The following SPIDR variants were observed in gnomAD, a reference collection of about 807,000 sequenced individuals.
SPIDR encodes the protein DNA repair-scaffolding protein.
Under a neutral mutation model 104.6 loss-of-function variants are expected in SPIDR, and 93 were observed. The ratio of observed to expected loss-of-function variants is 0.89; its 90% CI spans 0.75 to 1.06. The LOEUF (loss-of-function observed/expected upper bound fraction) is 1.06. SPIDR is among the 50% of genes least tolerant of loss of function. The pLI, the probability that SPIDR is intolerant of heterozygous loss-of-function variation, is 0.00. For synonymous variants in SPIDR, 431 were observed against 416.9 expected (o/e 1.03, Z -0.41); for missense variants, 1,154 against 1,111.2 (o/e 1.04, Z -0.55).
At position 47,284,811 on chromosome 8, in the gene SPIDR, A is replaced by G. The variant is rs2038501714; in HGVS notation, c.256+717A>G. ...CCTGTTACAAACGGTCACCTCCACTAAAGATACTTTAGTGAAATTAAGGAT... is the reference window on the plus strand; with the variant it reads ...CCTGTTACAAACGGTCACCTCCACTGAAGATACTTTAGTGAAATTAAGGAT... On this transcript the variant is annotated intron_variant, in intron 3 of 19. Coordinates refer to ENST00000297423, the MANE Select transcript of SPIDR (RefSeq NM_001080394.4). 1.3e-5 allele frequency among the ~76,000 whole-genome samples: 2 copies of G among 152,204 alleles called. 1 individual carries two copies. Among genetic ancestry groups the G allele is most frequent in the South Asian group, 4.1e-4 (2 of 4,836 alleles).
intron 8 of SPIDR, among the ~76,000 whole-genome samples, chr8:47,471,151 C>T (rs1028413504): frequency 3.3e-5 from 5 of 151,508 alleles, no homozygotes; most frequent in Non-Finnish European, 7.4e-5. Flanking sequence ...GCACAGGCAA[C>T]AAAGGAAAAA....
chr8:47,664,894 C>CA lies in SPIDR; in HGVS notation c.1545-8894dup, dbSNP rs72582293. 2.9e-3 allele frequency among the ~76,000 whole-genome samples: 321 copies of CA among 112,258 alleles called. 1 individual carries two copies. Among genetic ancestry groups the CA allele is most frequent in the Middle Eastern group, 0.015 (3 of 194 alleles). The allele number at this position is 112,258 out of a possible 152,430, so 73.6% of individuals were successfully genotyped here. ...CTGGGTGCAGAGTGAGACCCTGTCTCAAAAAAAAAAAAAGAAATTAAGATT... is the reference window on the plus strand; with the variant it reads ...CTGGGTGCAGAGTGAGACCCTGTCTCAAAAAAAAAAAAAAGAAATTAAGATT... On this transcript the variant is annotated intron_variant, in intron 10 of 19. Transcript: ENST00000297423.
intron 8 of SPIDR, among the ~76,000 whole-genome samples, chr8:47,587,348 A>G (rs1380436255): frequency 2.6e-5 from 4 of 152,084 alleles, no homozygotes; most frequent in Non-Finnish European, 4.4e-5. Flanking sequence ...GGCTGCGCAC[A>G]GGGGCCTATT....
At chr8:47,429,528 T>A (rs761477282) in intron 7 of SPIDR, among the ~76,000 whole-genome samples, 1 of 152,174 alleles carries the variant, frequency 6.6e-6, no homozygotes, top group Non-Finnish European at 1.5e-5. Context: ...CCCCAAAATA[T>A]AAGCAAATAA....
At chr8:47,397,026 A>G (rs1209908834) in intron 6 of SPIDR, among the ~76,000 whole-genome samples, 1 of 152,124 alleles carries the variant, frequency 6.6e-6, no homozygotes, top group Non-Finnish European at 1.5e-5. Flanking sequence ...GAACCCACAG[A>G]TGAGACGTAT....
chr8:47,729,493 G>T (rs771674077), intron 19 of SPIDR, 28 bp downstream of exon 19: 76 of 1,580,544 alleles, frequency 4.8e-5, no homozygotes, highest in Non-Finnish European at 6.3e-5. Context: ...AGCCCAGGGG[G>T]CCGCACACTC....
intron 10 of SPIDR, among the ~76,000 whole-genome samples, chr8:47,669,032 AGCCCTCTGAAT>A (rs1196584769): frequency 6.6e-6 from 1 of 152,190 alleles, no homozygotes; most frequent in African/African-American, 2.4e-5. Context: ...TGCTCACAAC[AGCCCTCTGAAT>A]TAGATTCTCT....
chr8:47,466,912 T>TATATATATAG (rs1462336747), intron 8 of SPIDR, among the ~76,000 whole-genome samples: 10 of 113,356 alleles, frequency 8.8e-5, no homozygotes, highest in African/African-American at 3.5e-4. Context: ...TATATATATA[T>TATATATATAG]ATAGATAGAT....
At chr8:47,288,614 G>A (rs1267988181) in intron 3 of SPIDR, among the ~76,000 whole-genome samples, 2 of 152,178 alleles carry the variant, frequency 1.3e-5, no homozygotes, top group Non-Finnish European at 2.9e-5. Context: ...TTTTTCAGAT[G>A]CATAATAATG....
In SPIDR at chr8:47,713,477, C is replaced by G. The variant is rs774436463; in HGVS notation, c.2189-12C>G. The G allele has an allele frequency of 2.9e-5, 47 of 1,613,990 alleles. No homozygotes were observed. The highest frequency in any genetic ancestry group is 3.7e-5 in the Non-Finnish European group (44 of 1,180,000). The stretch of plus-strand genomic sequence containing the variant: ...TCAAGGCTTCAATAACCTGAAGTGT[C>G]TCTGTCGGCAGGTCGGATTGTTTGT... On this transcript the variant is annotated splice_polypyrimidine_tract_variant and intron_variant, in intron 15 of 19. Transcript: ENST00000297423.
chr8:47,472,872 G>T (rs1216902088), intron 8 of SPIDR, among the ~76,000 whole-genome samples: 6 of 152,142 alleles, frequency 3.9e-5, no homozygotes, highest in African/African-American at 1.4e-4. Flanking sequence ...CCTCTCAATG[G>T]GTCCATTTTT....
At chr8:47,554,793 T>C (rs1288306008) in intron 8 of SPIDR, among the ~76,000 whole-genome samples, 1 of 152,176 alleles carries the variant, frequency 6.6e-6, no homozygotes, top group East Asian at 1.9e-4. Context: ...TGTAACTCAG[T>C]TGGAAATGCA....
intron 5 of SPIDR, among the ~76,000 whole-genome samples, chr8:47,362,458 C>T (rs1231333202): frequency 1.3e-5 from 2 of 152,154 alleles, no homozygotes; most frequent in African/African-American, 2.4e-5. Flanking sequence ...AGCATTTCCT[C>T]CCCTTGCTCT....
intron 18 of SPIDR, 45 bp downstream of exon 18, chr8:47,729,092 A>G (rs760639788): frequency 1.3e-5 from 21 of 1,605,128 alleles, no homozygotes; most frequent in East Asian, 6.8e-5. Context: ...GCTCACTCCA[A>G]CATAGCGAAG....
chr8:47,518,516 C>G (rs183249873), intron 8 of SPIDR, among the ~76,000 whole-genome samples: 1 of 152,034 alleles, frequency 6.6e-6, no homozygotes, highest in Admixed American at 6.6e-5. Flanking sequence ...TGTGTCTAGA[C>G]GCTGTGCTGA....
chr8:47,641,975 A>G (rs1285235358), intron 10 of SPIDR, among the ~76,000 whole-genome samples: 3 of 152,216 alleles, frequency 2.0e-5, no homozygotes, highest in African/African-American at 7.2e-5. Context: ...AGAGCTGTGC[A>G]GAGCCTCGGG....
intron 8 of SPIDR, among the ~76,000 whole-genome samples, chr8:47,512,440 TA>T (rs2082478545): frequency 6.6e-6 from 1 of 152,218 alleles, no homozygotes; most frequent in Non-Finnish European, 1.5e-5. Flanking sequence ...AAATATGGCT[TA>T]TAAAGCCAGC....
At chr8:47,443,507 G>T (rs1201309902) in intron 8 of SPIDR, among the ~76,000 whole-genome samples, 1 of 147,036 alleles carries the variant, frequency 6.8e-6, no homozygotes, top group Non-Finnish European at 1.5e-5. Flanking sequence ...GGAGGTGGGG[G>T]TTGCAGGGAG....
rs568510724 is a variant in SPIDR, at chr8:47,461,437, A to G, written c.1097+20895A>G. Among the ~76,000 whole-genome samples the G allele has an allele frequency of 2.0e-5, 3 of 152,128 alleles. No homozygotes were observed. The East Asian group carries it at 5.8e-4, about 30-fold the overall frequency. On this transcript the variant is annotated intron_variant, in intron 8 of 19. Coordinates refer to ENST00000297423, the MANE Select transcript of SPIDR (RefSeq NM_001080394.4). ...AGCGATTCTCCTGCCTCAGCCTCCCAGGTATCTGGGACTACAGGCACCTGC... is the reference window on the plus strand; with the variant it reads ...AGCGATTCTCCTGCCTCAGCCTCCCGGGTATCTGGGACTACAGGCACCTGC...
Sources: gnomAD v4.1 joint callset for allele counts (sites outside exome capture counted in the v4.1 genomes callset) on GRCh38, gnomAD v4.1.1 for gene constraint, MANE v1.5 for transcripts, NCBI Gene and HGNC (gene_info 2026-07-23, HGNC 2026-07-21) for gene names.